Variants in RAB3B observed in about 807,000 individuals in gnomAD.
The protein encoded by RAB3B is ras-related protein Rab-3B.
Under a neutral mutation model 20.5 loss-of-function variants are expected in RAB3B, and 11 were observed. The ratio of observed to expected loss-of-function variants is 0.54; its 90% CI spans 0.34 to 0.89. The LOEUF (loss-of-function observed/expected upper bound fraction) is 0.89. Among genes scored for constraint, RAB3B ranks in the 40% least tolerant of loss-of-function variants. The pLI is 0.02. For missense variants in RAB3B, 225 were observed against 280.9 expected, an observed-to-expected ratio of 0.80 and a Z score of 1.42; for synonymous variants, 99 against 106.3, an observed-to-expected ratio of 0.93 and a Z score of 0.42.
chr1:51,968,597 C>T (rs1169032717), intron 2 of RAB3B, among the ~76,000 whole-genome samples: 1 of 152,182 alleles, frequency 6.6e-6, no homozygotes, highest in Admixed American at 6.5e-5. Flanking sequence ...TTCCAAGTTT[C>T]TGGTATGATT....
In RAB3B at chr1:51,919,241, CCAAAGTG is replaced by C. The variant is rs1482208516; in HGVS notation, c.*679_*685del. ...CTCATGATCCACCCGCCTCGGCCTC[CCAAAGTG>C]CTGGGATTACAGGCGTGAGCCACCG... On this transcript the variant is annotated 3_prime_UTR_variant, in exon 5 of 5. Coordinates refer to ENST00000371655, the MANE Select transcript of RAB3B (RefSeq NM_002867.4). The C allele has an allele frequency of 6.6e-6, 1 of 152,238 alleles. No individual in the cohort carries two copies. Among genetic ancestry groups the C allele is most frequent in the Non-Finnish European group, 1.5e-5 (1 of 68,074 alleles). 9.4% of individuals were successfully genotyped at this position (152,238 alleles called of 1,614,324 possible).
chr1:51,938,258 C>T (rs1432866772), intron 2 of RAB3B, among the ~76,000 whole-genome samples: 1 of 151,978 alleles, frequency 6.6e-6, no homozygotes, highest in Non-Finnish European at 1.5e-5. Flanking sequence ...TTGGTTTAGC[C>T]TTTCTGGGAA....
chr1:51,911,431 G>A lies in RAB3B; in HGVS notation c.*8496C>T, dbSNP rs943063047. 6.6e-6 allele frequency: 1 copy of A among 152,016 alleles called. No individual in the cohort carries two copies. Among genetic ancestry groups the A allele is most frequent in the African/African-American group, 2.4e-5 (1 of 41,372 alleles). 9.4% of individuals were successfully genotyped at this position (152,016 alleles called of 1,614,324 possible). A position where few individuals can be genotyped will look rare whatever the true frequency, so the allele number is the denominator to read the frequency against. On this transcript the variant is annotated 3_prime_UTR_variant, in exon 5 of 5. Transcript: ENST00000371655. ...GTTTGTTTTAGAATTTCTGTGCTTT[G>A]GAGCTAGAAGGATATATAAATGAGA...
chr1:51,965,438 G>A (rs940475283), intron 2 of RAB3B, among the ~76,000 whole-genome samples: 5 of 152,110 alleles, frequency 3.3e-5, no homozygotes, highest in African/African-American at 7.2e-5. Flanking sequence ...CACGAGGTCA[G>A]GAGTTCGAGA....
At chr1:51,989,364 G>A (rs1187230315) in intron 1 of RAB3B, among the ~76,000 whole-genome samples, 3 of 151,636 alleles carry the variant, frequency 2.0e-5, no homozygotes, top group African/African-American at 7.3e-5. Context: ...ACAGAACAGA[G>A]TTGGATGACT....
intron 2 of RAB3B, among the ~76,000 whole-genome samples, chr1:51,939,740 A>G (rs770904097): frequency 6.6e-6 from 1 of 152,080 alleles, no homozygotes; most frequent in Non-Finnish European, 1.5e-5. Flanking sequence ...ATGCCTGGCT[A>G]ATTTTTTTTA....
At chr1:51,975,498 G>A (rs977769899) in intron 2 of RAB3B, among the ~76,000 whole-genome samples, 2 of 152,248 alleles carry the variant, frequency 1.3e-5, no homozygotes, top group South Asian at 2.1e-4. Context: ...CCAACAGAAC[G>A]CTGTAAGGCT....
chr1:51,927,093 C>T (rs150683256), intron 4 of RAB3B, among the ~76,000 whole-genome samples: 2 of 152,284 alleles, frequency 1.3e-5, no homozygotes, highest in East Asian at 3.9e-4. Flanking sequence ...GCCAACTAGG[C>T]CTTTCTTTCT....
chr1:51,978,985 T>A (rs767361142), intron 1 of RAB3B, among the ~76,000 whole-genome samples: 1 of 152,236 alleles, frequency 6.6e-6, no homozygotes, highest in African/African-American at 2.4e-5. Context: ...ACTCCTGTGG[T>A]CTCTGTTCTT....
intron 2 of RAB3B, among the ~76,000 whole-genome samples, chr1:51,962,106 C>T (rs1684791625): frequency 6.6e-6 from 1 of 152,216 alleles, no homozygotes; most frequent in Admixed American, 6.5e-5. Context: ...AATCTGGACT[C>T]TGCCACTTAC....
At chr1:51,961,953 G>T (rs930121295) in intron 2 of RAB3B, among the ~76,000 whole-genome samples, 1 of 152,020 alleles carries the variant, frequency 6.6e-6, no homozygotes, top group Admixed American at 6.6e-5. Flanking sequence ...TGTATTTTTA[G>T]TAGAGACAGG....
chr1:51,936,468 C>T (rs969301564), intron 3 of RAB3B, among the ~76,000 whole-genome samples: 1 of 152,190 alleles, frequency 6.6e-6, no homozygotes, highest in African/African-American at 2.4e-5. Context: ...AGTAATCTTC[C>T]TGAAACACAA....
chr1:51,968,747 C>T (rs1684889434), intron 2 of RAB3B, among the ~76,000 whole-genome samples: 1 of 152,172 alleles, frequency 6.6e-6, no homozygotes, highest in South Asian at 2.1e-4. Flanking sequence ...ATGTTGTGAC[C>T]TAACATTTCA....
chr1:51,943,787 A>G (rs1336163077), intron 2 of RAB3B, among the ~76,000 whole-genome samples: 2 of 152,242 alleles, frequency 1.3e-5, no homozygotes, highest in African/African-American at 4.8e-5. Context: ...ATGAAGGCTG[A>G]GAGAGGTGAA....
At chr1:51,942,017 G>T (rs1935291) in intron 2 of RAB3B, among the ~76,000 whole-genome samples, 1 of 152,076 alleles carries the variant, frequency 6.6e-6, no homozygotes, top group Non-Finnish European at 1.5e-5. Flanking sequence ...AAACATTGAC[G>T]CAGTATTTGA....
chr1:51,944,870 T>C (rs1022388038), intron 2 of RAB3B, among the ~76,000 whole-genome samples: 10 of 152,344 alleles, frequency 6.6e-5, no homozygotes, highest in African/African-American at 2.4e-4. Context: ...CATAGTTGGA[T>C]AAAGCAGTAG....
chr1:51,952,721 T>C (rs984744056), intron 2 of RAB3B, among the ~76,000 whole-genome samples: 1 of 152,014 alleles, frequency 6.6e-6, no homozygotes, highest in African/African-American at 2.4e-5. Context: ...AAGATAAAAA[T>C]GAAGAAAAAT....
At chr1:51,920,562 C>T (rs996848502) in intron 4 of RAB3B, among the ~76,000 whole-genome samples, 1 of 152,162 alleles carries the variant, frequency 6.6e-6, no homozygotes, top group Admixed American at 6.5e-5. Flanking sequence ...TTCCAAAGCA[C>T]TTATCACATA....
intron 1 of RAB3B, among the ~76,000 whole-genome samples, chr1:51,989,103 G>GCACACACA (rs60307928): frequency 0.079 from 10,499 of 132,584 alleles, 612 homozygotes; most frequent in African/African-American, 0.11. Flanking sequence ...CTGTGCGCGC[G>GCACACACA]CACACACACA....
Sources: allele counts gnomAD v4.1 joint callset (sites outside exome capture counted in the v4.1 genomes callset), GRCh38; gene constraint gnomAD v4.1.1; transcripts MANE v1.5; gene names NCBI Gene and HGNC (gene_info 2026-07-23, HGNC 2026-07-21).